SUMF1: variants seen among roughly 807,000 people sequenced by gnomAD.
The protein encoded by SUMF1 is formylglycine-generating enzyme.
Under a neutral mutation model 47.6 loss-of-function variants are expected in SUMF1, and 48 were observed. The ratio of observed to expected loss-of-function variants is 1.01; its 90% CI spans 0.80 to 1.28. The LOEUF (loss-of-function observed/expected upper bound fraction) is 1.28. SUMF1 is among the 50% of genes most tolerant of loss of function. The pLI is 0.00. For synonymous variants in SUMF1, 230 were observed against 192.1 expected, an observed-to-expected ratio of 1.20 and a Z score of -1.63; for missense variants, 571 against 485.4, an observed-to-expected ratio of 1.18 and a Z score of -1.66.
At chr3:4,079,835 A>G (rs778899656) in intron 8 of SUMF1, among the ~76,000 whole-genome samples, 5 of 151,306 alleles carry the variant, frequency 3.3e-5, no homozygotes, top group Non-Finnish European at 5.9e-5. Context: ...TTTTAAACCT[A>G]CAGATGGAGA....
At chr3:4,351,931 TGAA>T (rs1191729175) in intron 8 of SUMF1, among the ~76,000 whole-genome samples, 6 of 152,202 alleles carry the variant, frequency 3.9e-5, no homozygotes, top group African/African-American at 1.4e-4. Context: ...TTTCAAAATC[TGAA>T]GAAGAAATAG....
chr3:4,120,095 C>A (rs1693505485), intron 8 of SUMF1, among the ~76,000 whole-genome samples: 1 of 152,138 alleles, frequency 6.6e-6, no homozygotes, highest in African/African-American at 2.4e-5. Flanking sequence ...TAAATAGTGT[C>A]TCTGCCTGCA....
chr3:4,289,801 CAA>C lies in SUMF1; in HGVS notation c.1014+86527_1014+86528del, dbSNP rs1697705354. Reference sequence around the variant, plus strand: ...TTAAAATAGCACCTAGCACAATGGCCAACACACAGTTGGTACTTAATAAACAC... The same window carrying C: ...TTAAAATAGCACCTAGCACAATGGCCCACACAGTTGGTACTTAATAAACAC... On this transcript the variant is annotated intron_variant and NMD_transcript_variant, in intron 8 of 12. Coordinates refer to the SUMF1 transcript ENST00000448413. 2.0e-5 allele frequency among the ~76,000 whole-genome samples: 3 copies of C among 149,406 alleles called. No individual in the cohort carries two copies. In the South Asian group the frequency reaches 6.2e-4, roughly 31 times the overall value.
chr3:4,058,214 T>G (rs1695222202), intron 9 of SUMF1, among the ~76,000 whole-genome samples: 1 of 152,122 alleles, frequency 6.6e-6, no homozygotes, highest in African/African-American at 2.4e-5. Context: ...CAATCTGTAT[T>G]CACAATCACA....
At position 4,039,208 on chromosome 3, in the gene SUMF1, A is replaced by ATTTTTTTTTTTTTTTTT. The variant is rs1213784165; in HGVS notation, c.1191+29360_1191+29361insAAAAAAAAAAAAAAAAA. On this transcript the variant is annotated intron_variant and NMD_transcript_variant, in intron 9 of 12. Coordinates refer to the SUMF1 transcript ENST00000448413. ...CAAGCATGCCTGAAACATCTATGCA[A>ATTTTTTTTTTTTTTTTT]ATTTTTTTTTTTTTTTTTTTTTTTT... 6.5e-5 allele frequency among the ~76,000 whole-genome samples: 3 copies of ATTTTTTTTTTTTTTTTT among 46,176 alleles called. 1 individual carries two copies. The highest frequency in any genetic ancestry group is 3.3e-4 in the Admixed American group (1 of 3,012). The allele number at this position is 46,176 out of a possible 152,430, so 30.3% of individuals were successfully genotyped here. A position where few individuals can be genotyped will look rare whatever the true frequency, so the allele number is the denominator to read the frequency against.
chr3:4,126,716 T>C (rs1204798787), intron 8 of SUMF1, among the ~76,000 whole-genome samples: 2 of 152,194 alleles, frequency 1.3e-5, no homozygotes, highest in African/African-American at 4.8e-5. Flanking sequence ...AAAGTCTTAC[T>C]GGTTGATAAA....
chr3:4,335,964 A>AAAAACAAAAAAC (rs1481126882), intron 8 of SUMF1, among the ~76,000 whole-genome samples: 1 of 146,714 alleles, frequency 6.8e-6, no homozygotes, highest in Non-Finnish European at 1.5e-5. Flanking sequence ...CCAACTCAAA[A>AAAAACAAAAAAC]AAAAAAAAAA....
Position 4,265,870 on chromosome 3 carries a change from G to A in SUMF1, c.1014+110460C>T, listed in dbSNP as rs1004962409. ...GGGTTTTTATGGTTTTAGGTCTAAC[G>A]TTTAAATCTTTAATCCATCTTGAAT... is the stretch of plus-strand genomic sequence containing the variant. On this transcript the variant is annotated intron_variant and NMD_transcript_variant, in intron 8 of 12. Coordinates refer to the SUMF1 transcript ENST00000448413. Among the ~76,000 whole-genome samples the A allele has an allele frequency of 2.6e-5, 4 of 152,050 alleles. No individual in the cohort carries two copies. The South Asian group carries it at 8.3e-4, about 31-fold the overall frequency.
At chr3:4,352,724 C>T (rs1050263906) in intron 8 of SUMF1, among the ~76,000 whole-genome samples, 221 of 119,758 alleles carry the variant, frequency 1.8e-3, no homozygotes, top group Non-Finnish European at 2.4e-3. Flanking sequence ...TCCATTATTG[C>T]TGCGTGTAAA....
chr3:4,375,134 CAAAAAAAA>C (rs376228362), intron 8 of SUMF1, among the ~76,000 whole-genome samples: 1 of 73,236 alleles, frequency 1.4e-5, no homozygotes, highest in African/African-American at 5.0e-5. Flanking sequence ...GACTCTGTCT[CAAAAAAAA>C]AAAAAAAAAA....
intron 8 of SUMF1, among the ~76,000 whole-genome samples, chr3:4,212,994 T>C (rs1358348908): frequency 6.6e-6 from 1 of 152,108 alleles, no homozygotes; most frequent in Non-Finnish European, 1.5e-5. Context: ...CTCTTCAGGA[T>C]ATTATCCAGG....
At chr3:4,367,527 AG>A (rs1700018562) in intron 8 of SUMF1, among the ~76,000 whole-genome samples, 1 of 151,760 alleles carries the variant, frequency 6.6e-6, no homozygotes, top group Non-Finnish European at 1.5e-5. Flanking sequence ...CGCATCACCA[AG>A]TCAATCCTAA....
chr3:4,186,552 G>A (rs994777903), intron 8 of SUMF1, among the ~76,000 whole-genome samples: 2 of 151,998 alleles, frequency 1.3e-5, no homozygotes, highest in African/African-American at 4.8e-5. Flanking sequence ...AGAGTAAGTG[G>A]AAGCTGAAAT....
chr3:4,095,130 C>T (rs1692874031), intron 8 of SUMF1, among the ~76,000 whole-genome samples: 1 of 152,056 alleles, frequency 6.6e-6, no homozygotes, highest in South Asian at 2.1e-4. Context: ...CTCTAAATTA[C>T]AAGTCTCTTA....
intron 8 of SUMF1, among the ~76,000 whole-genome samples, chr3:4,074,411 A>T (rs1468553369): frequency 6.6e-6 from 1 of 152,138 alleles, no homozygotes; most frequent in Non-Finnish European, 1.5e-5. Context: ...TCAACACCAT[A>T]ACATCACAAT....
intron 8 of SUMF1, among the ~76,000 whole-genome samples, chr3:4,281,503 T>C (rs1354781818): frequency 6.6e-6 from 1 of 152,154 alleles, no homozygotes; most frequent in East Asian, 1.9e-4. Context: ...GTAACTGAGA[T>C]TCTCAAGTTT....
intron 8 of SUMF1, among the ~76,000 whole-genome samples, chr3:4,272,874 G>A (rs975684113): frequency 6.6e-6 from 1 of 151,970 alleles, no homozygotes; most frequent in Admixed American, 6.6e-5. Flanking sequence ...AGGAGTTTGA[G>A]ACCAACCTGG....
chr3:4,326,661 A>G (rs1166326795), intron 8 of SUMF1, among the ~76,000 whole-genome samples: 2 of 151,844 alleles, frequency 1.3e-5, no homozygotes, highest in Non-Finnish European at 2.9e-5. Context: ...CGGACTACAG[A>G]TGCATGCCAC....
At chr3:4,371,528 G>C (rs897137054) in intron 8 of SUMF1, among the ~76,000 whole-genome samples, 2 of 152,166 alleles carry the variant, frequency 1.3e-5, no homozygotes, top group Admixed American at 6.5e-5. Context: ...TGCCACAACA[G>C]AACAGAGGTC....
Sources: gnomAD v4.1 joint callset for allele counts (sites outside exome capture counted in the v4.1 genomes callset) on GRCh38, gnomAD v4.1.1 for gene constraint, MANE v1.5 for transcripts, NCBI Gene and HGNC (gene_info 2026-07-23, HGNC 2026-07-21) for gene names.